SNX27: variants seen among roughly 807,000 people sequenced by gnomAD.
SNX27 encodes the protein sorting nexin 27, also known as sorting nexin-27.
In SNX27, 22 loss-of-function variants were observed where a neutral mutation model predicts 71.6. That is an observed-to-expected ratio of 0.31 (90% CI 0.22 to 0.44). The LOEUF (loss-of-function observed/expected upper bound fraction) is 0.44, where lower values mean the gene tolerates loss of function less well. SNX27 is among the 20% of genes least tolerant of loss of function. The pLI is 1.00. For missense variants in SNX27, 531 were observed against 698.6 expected, an observed-to-expected ratio of 0.76 and a Z score of 2.70; for synonymous variants, 269 against 277.2, an observed-to-expected ratio of 0.97 and a Z score of 0.29.
intron 8 of SNX27, among the ~76,000 whole-genome samples, chr1:151,689,887 C>T (rs1423313625): frequency 1.3e-5 from 2 of 151,862 alleles, no homozygotes; most frequent in Non-Finnish European, 2.9e-5. Context: ...GTCTGTTGCC[C>T]AGGCAGGCTG....
chr1:151,670,181 T>C (rs1339357403), intron 7 of SNX27, among the ~76,000 whole-genome samples: 1 of 152,214 alleles, frequency 6.6e-6, no homozygotes, highest in Non-Finnish European at 1.5e-5. Context: ...TCACTTAACA[T>C]AGTGACCTCC....
chr1:151,676,336 G>A (rs1571859728), intron 7 of SNX27: 1 of 96,828 alleles, frequency 1.0e-5, no homozygotes, highest in Admixed American at 1.6e-4. Context: ...GACAGAGTCT[G>A]GCTCTGTTGC....
intron 1 of SNX27, among the ~76,000 whole-genome samples, chr1:151,632,046 A>G (rs1668261346): frequency 6.6e-6 from 1 of 152,120 alleles, no homozygotes; most frequent in African/African-American, 2.4e-5. Flanking sequence ...AATGCACTAT[A>G]ATGGTATTTT....
intron 1 of SNX27, among the ~76,000 whole-genome samples, chr1:151,620,093 AAG>A (rs1667603702): frequency 6.6e-6 from 1 of 152,208 alleles, no homozygotes; most frequent in African/African-American, 2.4e-5. Flanking sequence ...ACTGTGACCA[AAG>A]AGGGGAAAAT....
At chr1:151,688,902 G>T (rs991781174) in intron 8 of SNX27, among the ~76,000 whole-genome samples, 14 of 152,074 alleles carry the variant, frequency 9.2e-5, no homozygotes. Context: ...CCCACTTAAT[G>T]CTGATAAATA....
At chr1:151,692,845 C>A in intron 9 of SNX27, 66 bp from the exon 10 acceptor site, 1 of 1,605,968 alleles carries the variant, frequency 6.2e-7, no homozygotes. Flanking sequence ...TTCAGAACCC[C>A]CTACCTCAGT....
intron 11 of SNX27, 107 bp from the exon 12 acceptor site, chr1:151,694,263 A>G: frequency 6.6e-7 from 1 of 1,508,940 alleles, no homozygotes. Flanking sequence ...GATGTGGCCA[A>G]TCAGATTGAG....
intron 8 of SNX27, among the ~76,000 whole-genome samples, chr1:151,684,911 C>T (rs1413867551): frequency 5.3e-5 from 8 of 152,018 alleles, no homozygotes; most frequent in Non-Finnish European, 7.4e-5. Context: ...TGGGCTCAAG[C>T]GATTCTCCTG....
intron 1 of SNX27, among the ~76,000 whole-genome samples, chr1:151,625,801 A>G (rs1667901573): frequency 6.7e-6 from 1 of 150,214 alleles, no homozygotes; most frequent in Non-Finnish European, 1.5e-5. Context: ...AAAAAAAAAA[A>G]GCAGGGTGTG....
In SNX27 at chr1:151,692,637, T is replaced by TTTGATGA; in HGVS notation, c.1389+53_1389+54insTTGATGA. 5 of 1,581,870 alleles carry TTTGATGA rather than the reference T, an allele frequency of 3.2e-6. No individual in the cohort carries two copies. In the African/African-American group the frequency reaches 6.8e-5, roughly 22 times the overall value. ...GCGAGGACTGGAGATACTTTGATGC[T>TTTGATGA]CACTTGCTTGTGACGTTTTAATTCC... is the stretch of plus-strand genomic sequence containing the variant. On this transcript the variant is annotated intron_variant, in intron 9 of 11. Transcript: ENST00000458013.
intron 2 of SNX27, among the ~76,000 whole-genome samples, chr1:151,652,225 G>GGAGAGGGAGAGA: frequency 7.9e-6 from 1 of 126,994 alleles, no homozygotes; most frequent in South Asian, 2.6e-4. Flanking sequence ...AGAGGGAGAG[G>GGAGAGGGAGAGA]GAGAGGGAGA....
chr1:151,682,800 C>T (rs760723936), intron 7 of SNX27, among the ~76,000 whole-genome samples: 4 of 151,972 alleles, frequency 2.6e-5, no homozygotes, highest in African/African-American at 4.8e-5. Context: ...TTTGGGAGGT[C>T]GAGGCGGGCA....
intron 8 of SNX27, among the ~76,000 whole-genome samples, chr1:151,687,775 C>T (rs1671246445): frequency 1.3e-5 from 2 of 152,044 alleles, no homozygotes; most frequent in African/African-American, 4.8e-5. Context: ...GGTGAAACCT[C>T]GTCTCGACTA....
chr1:151,633,890 G>A (rs1326950395), intron 1 of SNX27, among the ~76,000 whole-genome samples: 1 of 151,568 alleles, frequency 6.6e-6, no homozygotes, highest in Non-Finnish European at 1.5e-5. Context: ...GATAGACATT[G>A]GGTTGTTTTT....
At chr1:151,641,624 T>TATAC (rs1169301214) in intron 2 of SNX27, among the ~76,000 whole-genome samples, 1 of 126,846 alleles carries the variant, frequency 7.9e-6, no homozygotes, top group Non-Finnish European at 1.6e-5. Context: ...TATATATATA[T>TATAC]ATATATCATA....
rs10577800 is a variant in SNX27 at position 151,624,409 on chromosome 1, T to TTATATATA, written c.311+11913_311+11920dup. 2.9e-3 allele frequency among the ~76,000 whole-genome samples: 382 copies of TTATATATA among 129,754 alleles called. 2 individuals are homozygous for TTATATATA. Among genetic ancestry groups the TTATATATA allele is most frequent in the East Asian group, 0.017 (80 of 4,572 alleles). 85.1% of individuals were successfully genotyped at this position (129,754 alleles called of 152,430 possible). A position where few individuals can be genotyped will look rare whatever the true frequency, so the allele number is the denominator to read the frequency against. Reference sequence around the variant, plus strand: ...CTTTTTTTTTCTGAATAGCTTGATTTTATATATATATATATATATATATGT... The same window carrying TTATATATA: ...CTTTTTTTTTCTGAATAGCTTGATTTTATATATATATATATATATATATATATATATGT... On this transcript the variant is annotated intron_variant, in intron 1 of 11. Coordinates refer to ENST00000458013, the MANE Select transcript of SNX27 (RefSeq NM_001330723.2).
intron 7 of SNX27, among the ~76,000 whole-genome samples, chr1:151,681,233 A>ATATTTTTTTTTTTTT (rs1558071789): frequency 1.1e-5 from 1 of 87,376 alleles, no homozygotes; most frequent in Non-Finnish European, 2.2e-5. Context: ...TAGTCTCTCA[A>ATATTTTTTTTTTTTT]TCTTTTTTTT....
intron 1 of SNX27, among the ~76,000 whole-genome samples, chr1:151,627,645 C>T (rs544549220): frequency 5.3e-4 from 81 of 151,824 alleles, no homozygotes; most frequent in South Asian, 3.6e-3. Flanking sequence ...CCAGGCTGGT[C>T]TCGAACTCCT....
At position 151,696,498 on chromosome 1, in the gene SNX27, T is replaced by TTCTTTCG. The variant is rs1571887285; in HGVS notation, c.*2082_*2083insCTTTCGT. ...CTTTCTTTCTTTCTTTCTTTCTTTC[T>TTCTTTCG]TTCTTTCGTTCTTTCGTTCTTTCGT... On this transcript the variant is annotated 3_prime_UTR_variant, in exon 12 of 12. Transcript: ENST00000458013. The TTCTTTCG allele has an allele frequency of 3.3e-3, 351 of 106,568 alleles. 1 individual carries two copies. The highest frequency in any genetic ancestry group is 9.5e-3 in the East Asian group (38 of 4,002). 6.6% of individuals were successfully genotyped at this position (106,568 alleles called of 1,614,324 possible).
Sources: gnomAD v4.1 joint callset for allele counts (sites outside exome capture counted in the v4.1 genomes callset) on GRCh38, gnomAD v4.1.1 for gene constraint, MANE v1.5 for transcripts, NCBI Gene and HGNC (gene_info 2026-07-23, HGNC 2026-07-21) for gene names.